Variants in INVS observed in about 807,000 individuals in gnomAD.
INVS encodes the protein inversin, also known as inversion of embryo turning homolog.
A neutral mutation model predicts 108.8 loss-of-function variants in INVS; 86 were observed. That is an observed-to-expected ratio of 0.79 (90% CI 0.66 to 0.95). INVS has a LOEUF of 0.95. Ranked by LOEUF, INVS falls within the 40% of genes least tolerant of loss-of-function variation. The pLI is 0.00. For missense variants in INVS, 1,169 were observed against 1,297.4 expected (o/e 0.90, Z 1.52); for synonymous variants, 455 against 473.5 (o/e 0.96, Z 0.51).
At chr9:100,290,939 C>CAA (rs1295324575) in intron 13 of INVS, among the ~76,000 whole-genome samples, 4 of 152,198 alleles carry the variant, frequency 2.6e-5, no homozygotes, top group Admixed American at 2.6e-4. Context: ...TTGTCTCAGA[C>CAA]TTGGCTCAAG....
chr9:100,266,822 G>A (rs1832806661), intron 11 of INVS, among the ~76,000 whole-genome samples: 1 of 151,942 alleles, frequency 6.6e-6, no homozygotes, highest in Non-Finnish European at 1.5e-5. Context: ...AATGGCTCCT[G>A]CTATAATACC....
At chr9:100,143,276 T>C (rs1375860173) in intron 3 of INVS, among the ~76,000 whole-genome samples, 1 of 152,136 alleles carries the variant, frequency 6.6e-6, no homozygotes, top group African/African-American at 2.4e-5. Context: ...ACAATTTGGT[T>C]GATAAGGCGC....
rs1372878903 is a variant in INVS at position 100,292,793 on chromosome 9, T to G, written c.2536T>G (p.Ser846Ala). 1.9e-6 allele frequency: 3 copies of G among 1,613,924 alleles called. No homozygotes were observed. The highest frequency in any genetic ancestry group is 1.7e-6 in the Non-Finnish European group (2 of 1,180,010). The change falls in exon 14 of 17, where the codon TCA becomes GCA. Residue 846 changes from serine to alanine, a missense_variant. This residue lies in a region of INVS where 533 missense variants were observed against 536.0 expected (regional missense o/e 0.99). Coordinates refer to ENST00000262457, the MANE Select transcript of INVS (RefSeq NM_014425.5). Reference sequence around the variant, plus strand: ...AGCCAAGCTCACAGGAGGGCTCTATTCACATTTGCCACAGAGCACAGAGGA... The same window carrying G: ...AGCCAAGCTCACAGGAGGGCTCTATGCACATTTGCCACAGAGCACAGAGGA... ...TQAKLTGGLY[S>A]HLPQSTEELR... is the part of the protein sequence containing the mutation.
chr9:100,294,208 G>A (rs1833718506), intron 14 of INVS, among the ~76,000 whole-genome samples: 1 of 152,120 alleles, frequency 6.6e-6, no homozygotes, highest in Non-Finnish European at 1.5e-5. Context: ...CGCCATCACT[G>A]GGGAGAGGAA....
intron 3 of INVS, among the ~76,000 whole-genome samples, chr9:100,132,339 T>A (rs773447209): frequency 1.3e-5 from 2 of 152,166 alleles, no homozygotes; most frequent in Non-Finnish European, 2.9e-5. Context: ...AAATGAATAA[T>A]TATATTTATT....
At chr9:100,180,067 A>T (rs1300881336) in intron 3 of INVS, among the ~76,000 whole-genome samples, 2 of 152,220 alleles carry the variant, frequency 1.3e-5, no homozygotes, top group Non-Finnish European at 2.9e-5. Flanking sequence ...TTAAGGTAGA[A>T]ATAAATAAGT....
intron 3 of INVS, among the ~76,000 whole-genome samples, chr9:100,193,705 G>T (rs1830291343): frequency 6.6e-6 from 1 of 151,984 alleles, no homozygotes; most frequent in Non-Finnish European, 1.5e-5. Context: ...TATTCTTTTT[G>T]CCTAGCTTCT....
chr9:100,162,269 C>T (rs919608859), intron 3 of INVS, among the ~76,000 whole-genome samples: 4 of 152,108 alleles, frequency 2.6e-5, no homozygotes, highest in East Asian at 3.9e-4. Flanking sequence ...TCTGTTAATA[C>T]GAATAACATA....
intron 11 of INVS, 48 bp downstream of exon 11, chr9:100,264,976 C>A: frequency 7.8e-7 from 1 of 1,274,478 alleles, no homozygotes; most frequent in Non-Finnish European, 1.1e-6. Flanking sequence ...GGCTTCTCGC[C>A]CTGTCACTCA....
chr9:100,200,029 C>T (rs1406253378), intron 3 of INVS, among the ~76,000 whole-genome samples: 1 of 152,042 alleles, frequency 6.6e-6, no homozygotes, highest in African/African-American at 2.4e-5. Flanking sequence ...TTCTGTTGAT[C>T]TAAACTGAAA....
chr9:100,169,293 GTCC>G (rs1476003123), intron 3 of INVS, among the ~76,000 whole-genome samples: 1 of 152,128 alleles, frequency 6.6e-6, no homozygotes, highest in East Asian at 1.9e-4. Flanking sequence ...ATGGTATCAT[GTCC>G]AACTCAGTCC....
intron 5 of INVS, among the ~76,000 whole-genome samples, chr9:100,237,174 T>C (rs995539989): frequency 6.6e-6 from 1 of 152,132 alleles, no homozygotes; most frequent in South Asian, 2.1e-4. Flanking sequence ...GAAAACCGCC[T>C]ACTCAAGCCT....
chr9:100,252,401 G>A lies in INVS; in HGVS notation c.1197G>A (p.Glu399=). 6.2e-7 allele frequency: 1 copy of A among 1,613,990 alleles called. No individual in the cohort carries two copies. The highest frequency in any genetic ancestry group is 1.3e-5 in the African/African-American group (1 of 75,044). The stretch of plus-strand genomic sequence containing the variant: ...ATACTCCACTTTTCCGAGCCTGTGA[G>A]ATGGGACACAAAGATGTGATTCAGA... The part of the protein sequence containing the change: ...MKHTPLFRAC[E]MGHKDVIQTL... Residue 399 remains glutamate (E), a synonymous_variant, in exon 9 of 17, where the codon GAG becomes GAA. Transcript: ENST00000262457.
intron 3 of INVS, among the ~76,000 whole-genome samples, chr9:100,158,384 T>C (rs1175306289): frequency 1.3e-5 from 2 of 152,238 alleles, no homozygotes; most frequent in Non-Finnish European, 2.9e-5. Flanking sequence ...TCTAAGTATA[T>C]TGAATAAAGA....
chr9:100,108,296 C>A (rs970988889), intron 2 of INVS, among the ~76,000 whole-genome samples: 7 of 152,096 alleles, frequency 4.6e-5, no homozygotes, highest in African/African-American at 1.4e-4. Context: ...AGCTAATAAA[C>A]TTATTTATAA....
At chr9:100,132,291 T>C (rs925752805) in intron 3 of INVS, among the ~76,000 whole-genome samples, 5 of 152,202 alleles carry the variant, frequency 3.3e-5, no homozygotes, top group African/African-American at 1.2e-4. Context: ...CAAATAGATT[T>C]AATATGAAGG....
chr9:100,294,772 G>A (rs1008459946), intron 14 of INVS, among the ~76,000 whole-genome samples: 1 of 152,110 alleles, frequency 6.6e-6, no homozygotes, highest in African/African-American at 2.4e-5. Flanking sequence ...CACACATCAG[G>A]GTAACCAGGA....
At position 100,280,638 on chromosome 9, in the gene INVS, AT is replaced by A. The variant is rs949899728; in HGVS notation, c.1785-3674del. ...TATCAACTAGAATAATCTTTTTCTGATTTTTTTTCTAAACTTTACAAGTAAA... is the reference window on the plus strand; with the variant it reads ...TATCAACTAGAATAATCTTTTTCTGATTTTTTTCTAAACTTTACAAGTAAA... On this transcript the variant is annotated intron_variant, in intron 12 of 16. Coordinates refer to ENST00000262457, the MANE Select transcript of INVS (RefSeq NM_014425.5). 3.9e-5 allele frequency among the ~76,000 whole-genome samples: 6 copies of A among 152,058 alleles called. No individual in the cohort carries two copies. The South Asian group carries it at 6.2e-4, about 16-fold the overall frequency.
chr9:100,101,001 ATATATATATTATATG>A (rs1404602288), intron 1 of INVS, among the ~76,000 whole-genome samples: 7 of 85,524 alleles, frequency 8.2e-5, no homozygotes, highest in African/African-American at 3.1e-4. Flanking sequence ...TGTATATATA[ATATATATATTATATG>A]TATATATATT....
Sources: gnomAD v4.1 joint callset for allele counts (sites outside exome capture counted in the v4.1 genomes callset) on GRCh38, gnomAD v4.1.1 for gene constraint, gnomAD v4.1.1 regional missense constraint, MANE v1.5 for transcripts, NCBI Gene and HGNC (gene_info 2026-07-23, HGNC 2026-07-21) for gene names.